The following TMBIM6 variants were observed in gnomAD, a reference collection of about 807,000 sequenced individuals.
TMBIM6 encodes the protein bax inhibitor 1.
A neutral mutation model predicts 31.4 loss-of-function variants in TMBIM6; 13 were observed. That is an observed-to-expected ratio of 0.41 (90% CI 0.27 to 0.66). The LOEUF is 0.66. Ranked by LOEUF, TMBIM6 falls within the 30% of genes least tolerant of loss-of-function variation. The pLI is 0.28. For synonymous variants in TMBIM6, 85 were observed against 101.7 expected (o/e 0.84, Z 0.99); for missense variants, 275 against 289.5 (o/e 0.95, Z 0.36).
At chr12:49,759,139 G>T in intron 7 of TMBIM6, 82 bp from the exon 8 acceptor site, 1 of 1,179,280 alleles carries the variant, frequency 8.5e-7, no homozygotes, top group South Asian at 1.2e-5. Flanking sequence ...ACTTTCAAGT[G>T]ACTATGAGCC....
chr12:49,760,319 C>G (rs897950731), intron 8 of TMBIM6, among the ~76,000 whole-genome samples: 1 of 152,064 alleles, frequency 6.6e-6, no homozygotes, highest in Non-Finnish European at 1.5e-5. Context: ...GCCATGAACA[C>G]AGCTCGCTGC....
rs537450186 is a variant in TMBIM6, at chr12:49,761,168, C to T, written c.615-536C>T. On this transcript the variant is annotated intron_variant, in intron 8 of 9. Coordinates refer to ENST00000267115, the MANE Select transcript of TMBIM6 (RefSeq NM_003217.3). ...TTTAATGTAGTGATTCTCTCAGTCTCATGACTAATTAGTGGTAGTTAAGGG... is the reference window on the plus strand; with the variant it reads ...TTTAATGTAGTGATTCTCTCAGTCTTATGACTAATTAGTGGTAGTTAAGGG... Among the ~76,000 whole-genome samples, 14 of 151,584 alleles carry T rather than the reference C, an allele frequency of 9.2e-5. No individual in the cohort carries two copies. The South Asian group carries it at 1.9e-3, about 20-fold the overall frequency.
intron 7 of TMBIM6, 108 bp from the exon 8 acceptor site, chr12:49,759,113 G>A (rs1945663622): frequency 1.1e-6 from 1 of 930,912 alleles, no homozygotes; most frequent in Non-Finnish European, 1.7e-6. Context: ...ATGTTCATAG[G>A]GTTCACATTT....
At chr12:49,746,227 C>T (rs1402171890) in intron 1 of TMBIM6, among the ~76,000 whole-genome samples, 2 of 151,808 alleles carry the variant, frequency 1.3e-5, no homozygotes, top group African/African-American at 2.4e-5. Context: ...GGATTATAGG[C>T]GCCCACCACC....
At chr12:49,757,423 A>G (rs1945625236) in intron 4 of TMBIM6, among the ~76,000 whole-genome samples, 1 of 152,246 alleles carries the variant, frequency 6.6e-6, no homozygotes, top group African/African-American at 2.4e-5. Flanking sequence ...TCTGAGTCTT[A>G]CAGACAGTGC....
rs372759702 is a variant in TMBIM6 at position 49,752,548 on chromosome 12, A to G, written c.55A>G (p.Ile19Val). 2 of 1,612,450 alleles carry G rather than the reference A, an allele frequency of 1.2e-6. No homozygotes were observed. Among genetic ancestry groups the G allele is most frequent in the African/African-American group, 2.7e-5 (2 of 74,982 alleles). ...NFDALLKFSH[I>V]TPSTQQHLKK... ...TGATGCGCTTTTAAAATTTTCTCAT[A>G]TGTAAGTGTTTTGACCTTGACTGGT... Residue 19 changes from isoleucine (I) to valine (V), a missense_variant and splice_region_variant, in exon 2 of 10, where the codon ATA (isoleucine) becomes GTA (valine). Coordinates refer to ENST00000267115, the MANE Select transcript of TMBIM6 (RefSeq NM_003217.3).
chr12:49,760,891 G>A (rs1314517705), intron 8 of TMBIM6, among the ~76,000 whole-genome samples: 1 of 151,800 alleles, frequency 6.6e-6, no homozygotes, highest in Non-Finnish European at 1.5e-5. Flanking sequence ...CCAGGCTGGA[G>A]TGCAACGGTG....
intron 1 of TMBIM6, among the ~76,000 whole-genome samples, chr12:49,747,003 T>C (rs904400760): frequency 6.6e-6 from 1 of 151,940 alleles, no homozygotes; most frequent in Admixed American, 6.6e-5. Context: ...ATCTGGCTGA[T>C]TTTTGTATTT....
At chr12:49,759,350 C>T (rs1163497175) in intron 8 of TMBIM6, 29 bp downstream of exon 8, 1 of 1,580,302 alleles carries the variant, frequency 6.3e-7, no homozygotes, top group East Asian at 2.2e-5. Flanking sequence ...CTTTAACAAG[C>T]ATGAAGGTTG....
rs978339697 is a variant in TMBIM6 at position 49,753,045 on chromosome 12, A to G, written c.129A>G (p.Ala43=). The G allele has an allele frequency of 1.2e-6, 2 of 1,614,096 alleles. No individual in the cohort carries two copies. Among genetic ancestry groups the G allele is most frequent in the Non-Finnish European group, 8.5e-7 (1 of 1,179,996 alleles). Residue 43 remains alanine (A), a synonymous_variant, in exon 3 of 10, where the codon GCA becomes GCG. Coordinates refer to ENST00000267115, the MANE Select transcript of TMBIM6 (RefSeq NM_003217.3). The part of the protein sequence containing the change: ...SFALCMFVAA[A]GAYVHMVTHF... ...CCCTTTGTATGTTTGTGGCGGCTGC[A>G]GGGGCCTATGTCCATATGGTCACTC...
rs372926798 is a variant in TMBIM6 at position 49,762,802 on chromosome 12, G to A, written c.691-71G>A. The A allele has an allele frequency of 3.2e-4, 461 of 1,427,908 alleles. 2 individuals carry two copies. In the African/African-American group the frequency reaches 5.7e-3, roughly 18 times the overall value. 88.5% of individuals were successfully genotyped at this position (1,427,908 alleles called of 1,614,324 possible). On this transcript the variant is annotated intron_variant, in intron 9 of 9. Transcript: ENST00000267115. Reference sequence around the variant, plus strand: ...GCTCACTTCTAGTCCCTAACTAAATGCTCACTCAAGAGTTTTAGCTTGAAT... The same window carrying A: ...GCTCACTTCTAGTCCCTAACTAAATACTCACTCAAGAGTTTTAGCTTGAAT...
rs765774842 is a variant in TMBIM6, at chr12:49,758,523, G to A, written c.433+43G>A. On this transcript the variant is annotated intron_variant, in intron 6 of 9. Transcript: ENST00000267115. ...AACAGGGAATGGGGGCTCCTTTTTA[G>A]CCAGAATTCTCACTAGTACTCCTTC... is the stretch of plus-strand genomic sequence containing the variant. The A allele has an allele frequency of 3.1e-6, 5 of 1,599,452 alleles. No homozygotes were observed. The South Asian group carries it at 5.5e-5, about 18-fold the overall frequency.
Position 49,762,940 on chromosome 12 carries a change from C to T in TMBIM6, c.*44C>T. ...CCCAATTAGACTTCCTCTCCTTCCA[C>T]CCCTCATTTCCTTTTTGCACACATT... is the stretch of plus-strand genomic sequence containing the variant. On this transcript the variant is annotated 3_prime_UTR_variant, in exon 10 of 10. Coordinates refer to ENST00000267115, the MANE Select transcript of TMBIM6 (RefSeq NM_003217.3). The T allele has an allele frequency of 1.3e-6, 2 of 1,599,536 alleles. No individual in the cohort carries two copies. The highest frequency in any genetic ancestry group is 1.7e-6 in the Non-Finnish European group (2 of 1,167,692).
rs1375628471 is a variant in TMBIM6 at position 49,764,398 on chromosome 12, CTG to C, written c.*1505_*1506del. The C allele has an allele frequency of 6.6e-6, 1 of 152,218 alleles. No individual in the cohort carries two copies. The highest frequency in any genetic ancestry group is 2.4e-5 in the African/African-American group (1 of 41,454). The allele number at this position is 152,218 out of a possible 1,614,324, so 9.4% of individuals were successfully genotyped here. On this transcript the variant is annotated 3_prime_UTR_variant, in exon 10 of 10. Transcript: ENST00000267115. ...CTCAGGTTCACAGTGCACCATGTCA[CTG>C]TGCTATCCTACGAAATCATTTGTTT...
intron 1 of TMBIM6, chr12:49,749,663 C>G (rs1245381968): frequency 6.6e-6 from 1 of 152,190 alleles, no homozygotes; most frequent in Middle Eastern, 3.1e-3. Context: ...GAACTCCTGA[C>G]GTCAAAGTGA....
In TMBIM6 at chr12:49,754,406, C is replaced by T. The variant is rs75788636; in HGVS notation, c.166-1229C>T. ...TGTGTATATTAGATAAGCTTCATTCCGGCATGAGTTGTACTGCTGTTGTAA... is the reference window on the plus strand; with the variant it reads ...TGTGTATATTAGATAAGCTTCATTCTGGCATGAGTTGTACTGCTGTTGTAA... On this transcript the variant is annotated intron_variant, in intron 3 of 9. Coordinates refer to ENST00000267115, the MANE Select transcript of TMBIM6 (RefSeq NM_003217.3). 2.0e-5 allele frequency among the ~76,000 whole-genome samples: 3 copies of T among 152,246 alleles called. No individual in the cohort carries two copies. The East Asian group carries it at 5.8e-4, about 29-fold the overall frequency.
chr12:49,742,423 AT>A, intron 1 of TMBIM6: 1 of 1,183,050 alleles, frequency 8.5e-7, no homozygotes, highest in Non-Finnish European at 1.1e-6. Context: ...ATCTTTGTAT[AT>A]TTACTGAGTG....
chr12:49,749,438 T>TTTTTTTTTTTTTTTTTTTTTTTTTTTA (rs1945455158), intron 1 of TMBIM6, among the ~76,000 whole-genome samples: 1 of 146,620 alleles, frequency 6.8e-6, no homozygotes, highest in African/African-American at 2.7e-5. Flanking sequence ...GTAAGTCATT[T>TTTTTTTTTTTTTTTTTTTTTTTTTTTA]TTGTTTTTTT....
chr12:49,753,343 G>A (rs1465878919), intron 3 of TMBIM6, among the ~76,000 whole-genome samples: 1 of 152,216 alleles, frequency 6.6e-6, no homozygotes, highest in East Asian at 1.9e-4. Flanking sequence ...CACCCACTGA[G>A]TAGGCGCATG....
Sources: allele counts gnomAD v4.1 joint callset (sites outside exome capture counted in the v4.1 genomes callset), GRCh38; gene constraint gnomAD v4.1.1; transcripts MANE v1.5; gene names NCBI Gene and HGNC (gene_info 2026-07-23, HGNC 2026-07-21).